Variants in FZD6 observed in about 807,000 individuals in gnomAD.
FZD6 encodes frizzled-6.
Under a neutral mutation model 61.4 loss-of-function variants are expected in FZD6, and 49 were observed. The ratio of observed to expected loss-of-function variants is 0.80; its 90% CI spans 0.63 to 1.01. The LOEUF (loss-of-function observed/expected upper bound fraction) is 1.01. Among genes scored for constraint, FZD6 ranks in the 50% least tolerant of loss-of-function variants. The probability of loss-of-function intolerance (pLI) is 0.00; values close to 1 mark genes in which losing one functional copy is unlikely to be tolerated. For missense variants in FZD6, 724 were observed against 848.2 expected (o/e 0.85, Z 1.82); for synonymous variants, 265 against 292.2 (o/e 0.91, Z 0.95).
At position 103,331,423 on chromosome 8, in the gene FZD6, A is replaced by G. The variant is rs573163067; in HGVS notation, c.2035A>G (p.Ser679Gly). Reference sequence around the variant, plus strand: ...GGTCCCCAGTTCTTCAGAACCAAGCAGCCTCAAAGGTTCCACATCTCTGCT... The same window carrying G: ...GGTCCCCAGTTCTTCAGAACCAAGCGGCCTCAAAGGTTCCACATCTCTGCT... The part of the protein sequence containing the change: ...LQVPSSSEPS[S>G]LKGSTSLLVH... The change falls in exon 7 of 7, where the codon AGC becomes GGC. Residue 679 changes from serine (S) to glycine (G), a missense_variant. Ser to Gly is a moderately conservative substitution (Grantham distance 56, BLOSUM62 0). Transcript: ENST00000358755. The G allele has an allele frequency of 6.2e-7, 1 of 1,610,500 alleles. No homozygotes were observed. The highest frequency in any genetic ancestry group is 1.3e-5 in the African/African-American group (1 of 74,962).
At chr8:103,328,150 A>G in intron 4 of FZD6, 118 bp from the exon 5 acceptor site, 3 of 767,034 alleles carry the variant, frequency 3.9e-6, no homozygotes, top group Middle Eastern at 3.0e-4. Context: ...ATTATTTCAA[A>G]CCTTTTTAGT....
rs993989464 is a variant in FZD6 at position 103,332,420 on chromosome 8, C to T, written c.*911C>T. 1 of 151,958 alleles carries T rather than the reference C, an allele frequency of 6.6e-6. No individual in the cohort carries two copies. The highest frequency in any genetic ancestry group is 1.5e-5 in the Non-Finnish European group (1 of 67,976). 9.4% of individuals were successfully genotyped at this position (151,958 alleles called of 1,614,324 possible). On this transcript the variant is annotated 3_prime_UTR_variant, in exon 7 of 7. Coordinates refer to ENST00000358755, the MANE Select transcript of FZD6 (RefSeq NM_003506.4). ...TTTTGTTTTAACTTTTGTTTTTTAA[C>T]ATTTAGAATATTACATTTTGTATTA...
chr8:103,317,097 C>T (rs1814643051), intron 2 of FZD6, among the ~76,000 whole-genome samples: 1 of 152,168 alleles, frequency 6.6e-6, no homozygotes, highest in Non-Finnish European at 1.5e-5. Flanking sequence ...ATAGGATGGG[C>T]AGGAATGCCT....
Position 103,325,192 on chromosome 8 carries a change from T to A in FZD6, c.1086T>A (p.Tyr362Ter). The change falls in exon 4 of 7, where the codon TAT (tyrosine) becomes TAA (stop). Residue 362 changes from tyrosine to a stop codon, truncating the protein, a stop_gained. Coordinates refer to ENST00000358755, the MANE Select transcript of FZD6 (RefSeq NM_003506.4). LOFTEE classifies it high-confidence loss of function. ...NISGVCFVGL[Y>*]DLDASRYFVL... The stretch of plus-strand genomic sequence containing the variant: ...GTGGAGTTTGCTTTGTTGGCCTTTA[T>A]GACCTGGATGCTTCTCGCTACTTTG... The A allele has an allele frequency of 6.2e-7, 1 of 1,614,232 alleles. No individual in the cohort carries two copies.
In FZD6 at chr8:103,308,085, G is replaced by C. The variant is rs181233066; in HGVS notation, c.177+7801G>C. Among the ~76,000 whole-genome samples, 28 of 152,292 alleles carry C rather than the reference G, an allele frequency of 1.8e-4. No individual in the cohort carries two copies. In the East Asian group the frequency reaches 3.9e-3, roughly 21 times the overall value. On this transcript the variant is annotated intron_variant, in intron 2 of 6. Coordinates refer to ENST00000358755, the MANE Select transcript of FZD6 (RefSeq NM_003506.4). ...GCAGTAGCCAGATCACCCCAAGAAG[G>C]AAAAGTCTATGCTATTGGATCTGGG...
At chr8:103,311,527 CAGG>C (rs909120918) in intron 2 of FZD6, among the ~76,000 whole-genome samples, 7 of 151,992 alleles carry the variant, frequency 4.6e-5, no homozygotes, top group African/African-American at 1.7e-4. Flanking sequence ...CACTTGAGCT[CAGG>C]AGTTCAAGAT....
chr8:103,304,893 A>G (rs1434840615), intron 2 of FZD6, among the ~76,000 whole-genome samples: 4 of 152,230 alleles, frequency 2.6e-5, no homozygotes, highest in Non-Finnish European at 5.9e-5. Context: ...TGACTGGGAC[A>G]TCTTGGTTCT....
In FZD6 at chr8:103,329,966, C is replaced by T. The variant is rs138824850; in HGVS notation, c.1853C>T (p.Pro618Leu). 29 of 1,613,938 alleles carry T rather than the reference C, an allele frequency of 1.8e-5. No individual in the cohort carries two copies. Among genetic ancestry groups the T allele is most frequent in the Non-Finnish European group, 2.3e-5 (27 of 1,179,924 alleles). The change falls in exon 6 of 7, where the codon CCT becomes CTT. Residue 618 changes from proline (P) to leucine (L), a missense_variant. Coordinates refer to ENST00000358755, the MANE Select transcript of FZD6 (RefSeq NM_003506.4). ...PRLREQDCGE[P>L]ASPAASISRL... is the part of the protein sequence containing the mutation. ...TTAAGAGAACAGGACTGTGGTGAAC[C>T]TGCCTCGCCAGCAGCATCCATCTCC... is the stretch of plus-strand genomic sequence containing the variant.
At chr8:103,330,266 T>C (rs149896240) in intron 6 of FZD6, among the ~76,000 whole-genome samples, 62 of 152,302 alleles carry the variant, frequency 4.1e-4, no homozygotes, top group African/African-American at 1.5e-3. Context: ...TATAGGTGGT[T>C]CAAGTAGGAA....
At chr8:103,326,703 AC>A (rs144460780) in intron 4 of FZD6, among the ~76,000 whole-genome samples, 70,599 of 146,940 alleles carry the variant, frequency 0.48, 17,265 homozygotes, top group Middle Eastern at 0.57. Flanking sequence ...ACAAAAAAAA[AC>A]AAACAAACAA....
intron 2 of FZD6, among the ~76,000 whole-genome samples, chr8:103,303,646 C>T (rs1279716969): frequency 6.6e-6 from 1 of 152,174 alleles, no homozygotes; most frequent in Non-Finnish European, 1.5e-5. Flanking sequence ...AATTTTCCCT[C>T]CAAATCTTTA....
At chr8:103,299,274 G>A (rs1313129673) in intron 1 of FZD6, among the ~76,000 whole-genome samples, 2 of 152,226 alleles carry the variant, frequency 1.3e-5, no homozygotes, top group Non-Finnish European at 2.9e-5. Context: ...CTGGCGGACC[G>A]GGCATCAGTG....
chr8:103,307,040 G>C (rs1194851531), intron 2 of FZD6, among the ~76,000 whole-genome samples: 1 of 152,136 alleles, frequency 6.6e-6, no homozygotes, highest in Non-Finnish European at 1.5e-5. Flanking sequence ...TTGCTTCCAT[G>C]TACCAGTGGG....
intron 3 of FZD6, among the ~76,000 whole-genome samples, chr8:103,320,754 G>A (rs1055500613): frequency 2.6e-5 from 4 of 152,104 alleles, no homozygotes; most frequent in Non-Finnish European, 4.4e-5. Flanking sequence ...TGGCCACTGC[G>A]GGTTAGGGAT....
At chr8:103,318,852 G>A (rs1814704407) in intron 3 of FZD6, 66 bp downstream of exon 3, 1 of 893,694 alleles carries the variant, frequency 1.1e-6, no homozygotes, top group Admixed American at 1.7e-5. Context: ...TCTCTGGGAT[G>A]TTAGTGAGAA....
In FZD6 at chr8:103,330,029, C is replaced by A; in HGVS notation, c.1916C>A (p.Ala639Glu). 6.2e-7 allele frequency: 1 copy of A among 1,614,084 alleles called. No homozygotes were observed. Among genetic ancestry groups the A allele is most frequent in the Non-Finnish European group, 8.5e-7 (1 of 1,179,952 alleles). The change falls in exon 6 of 7, where the codon GCA becomes GAA. Residue 639 changes from alanine to glutamate, a missense_variant. By Grantham distance (107) the Ala-to-Glu change is moderately radical (BLOSUM62 -1). Transcript: ENST00000358755. Reference sequence around the variant, plus strand: ...GAACAGGTCGACGGGAAGGGCCAGGCAGGCAGTGTATCTGAAAGTGCGCGG... The same window carrying A: ...GAACAGGTCGACGGGAAGGGCCAGGAAGGCAGTGTATCTGAAAGTGCGCGG... ...SGEQVDGKGQ[A>E]GSVSESARSE...
chr8:103,314,449 C>G (rs1210687361), intron 2 of FZD6, among the ~76,000 whole-genome samples: 1 of 152,140 alleles, frequency 6.6e-6, no homozygotes, highest in Non-Finnish European at 1.5e-5. Flanking sequence ...AGGATTTGCA[C>G]ACTGTCTGGG....
rs140651082 is a variant in FZD6, at chr8:103,322,370, A to G, written c.375-2111A>G. Among the ~76,000 whole-genome samples the G allele has an allele frequency of 5.2e-3, 633 of 122,458 alleles. 2 individuals carry two copies. Among genetic ancestry groups the G allele is most frequent in the Non-Finnish European group, 8.5e-3 (473 of 55,442 alleles). 80.3% of individuals were successfully genotyped at this position (122,458 alleles called of 152,430 possible). On this transcript the variant is annotated intron_variant, in intron 3 of 6. Coordinates refer to ENST00000358755, the MANE Select transcript of FZD6 (RefSeq NM_003506.4). ...GGTAACATAGTGACACCCAGTCTCC[A>G]TTAAAAAAAAAAAAAAAAAAGAATC...
intron 3 of FZD6, among the ~76,000 whole-genome samples, chr8:103,322,188 C>T (rs963142071): frequency 2.0e-5 from 3 of 152,080 alleles, no homozygotes; most frequent in South Asian, 2.1e-4. Flanking sequence ...ATACTTGTTC[C>T]GTATACCTTC....
Sources: allele counts gnomAD v4.1 joint callset (sites outside exome capture counted in the v4.1 genomes callset), GRCh38; gene constraint gnomAD v4.1.1; transcripts MANE v1.5; gene names NCBI Gene and HGNC (gene_info 2026-07-23, HGNC 2026-07-21).